Variants in SDK1 observed in about 807,000 individuals in gnomAD.
SDK1 encodes protein sidekick-1.
SDK1 carries 157 observed loss-of-function variants against 245.5 expected under a neutral mutation model. The observed-to-expected ratio is 0.64, with a 90% CI of 0.56 to 0.73. SDK1 has a LOEUF of 0.73. SDK1 is among the 30% of genes least tolerant of loss of function. The probability of loss-of-function intolerance (pLI) is 0.00; values close to 1 mark genes in which losing one functional copy is unlikely to be tolerated. For synonymous variants in SDK1, 1,647 were observed against 1,278.5 expected (o/e 1.29, Z -6.15); for missense variants, 3,583 against 3,002.3 (o/e 1.19, Z -4.52).
At chr7:3,585,461 A>T (rs1485532749) in intron 1 of SDK1, among the ~76,000 whole-genome samples, 1 of 152,204 alleles carries the variant, frequency 6.6e-6, no homozygotes, top group Non-Finnish European at 1.5e-5. Flanking sequence ...AAGAGATGAC[A>T]ACATTAAGCA....
chr7:4,205,283 G>T (rs1196167530), intron 35 of SDK1, among the ~76,000 whole-genome samples: 1 of 152,192 alleles, frequency 6.6e-6, no homozygotes. Flanking sequence ...AGCCAGGGAT[G>T]CCTGAACCTG....
At chr7:4,036,021 A>G (rs1788185208) in intron 17 of SDK1, among the ~76,000 whole-genome samples, 1 of 152,240 alleles carries the variant, frequency 6.6e-6, no homozygotes, top group Non-Finnish European at 1.5e-5. Context: ...TTTAGTAAGA[A>G]ACTTGAGCTT....
At chr7:3,358,736 A>G (rs1780874794) in intron 1 of SDK1, among the ~76,000 whole-genome samples, 1 of 152,232 alleles carries the variant, frequency 6.6e-6, no homozygotes, top group African/African-American at 2.4e-5. Context: ...GGAAGACTTA[A>G]TTTGAGGTCT....
At chr7:3,857,732 A>C (rs952268245) in intron 5 of SDK1, among the ~76,000 whole-genome samples, 1 of 152,142 alleles carries the variant, frequency 6.6e-6, no homozygotes, top group Non-Finnish European at 1.5e-5. Context: ...ACTGAATATT[A>C]GGATTAATGA....
intron 4 of SDK1, among the ~76,000 whole-genome samples, chr7:3,756,964 A>G (rs979709952): frequency 7.2e-5 from 11 of 152,086 alleles, no homozygotes; most frequent in African/African-American, 1.4e-4. Flanking sequence ...TCCACTATAA[A>G]GTTACCATTT....
intron 20 of SDK1, among the ~76,000 whole-genome samples, chr7:4,069,547 C>G (rs1780114966): frequency 6.6e-6 from 1 of 152,228 alleles, no homozygotes; most frequent in African/African-American, 2.4e-5. Context: ...TGGCAGCGTT[C>G]TCAGCTGCCT....
chr7:3,417,910 G>A (rs552034930), intron 1 of SDK1, among the ~76,000 whole-genome samples: 14 of 152,250 alleles, frequency 9.2e-5, no homozygotes, highest in Admixed American at 7.8e-4. Flanking sequence ...GGGGACGGAA[G>A]TGAGTTTGCA....
In SDK1 at chr7:3,743,036, A is replaced by G. The variant is rs372100567; in HGVS notation, c.714-78414A>G. The stretch of plus-strand genomic sequence containing the variant: ...TGGTCCTACTTATTGATAGGCATGA[A>G]TTTGATTGTACGGAACTTTCCTGGA... On this transcript the variant is annotated intron_variant, in intron 4 of 44. Transcript: ENST00000404826. Among the ~76,000 whole-genome samples, 204 of 152,322 alleles carry G rather than the reference A, an allele frequency of 1.3e-3. 1 individual carries two copies. Among genetic ancestry groups the G allele is most frequent in the African/African-American group, 4.4e-3 (183 of 41,572 alleles).
At chr7:3,697,268 T>C (rs567431289) in intron 4 of SDK1, among the ~76,000 whole-genome samples, 8 of 152,290 alleles carry the variant, frequency 5.3e-5, no homozygotes, top group South Asian at 2.1e-4. Flanking sequence ...AGCCAAGATA[T>C]TGAAATTTGT....
intron 1 of SDK1, among the ~76,000 whole-genome samples, chr7:3,532,305 G>A (rs148341523): frequency 1.3e-5 from 2 of 152,176 alleles, no homozygotes; most frequent in Non-Finnish European, 2.9e-5. Context: ...CAGAGTGAGG[G>A]TGTAGGGAAG....
chr7:3,854,351 A>G (rs879476696), intron 5 of SDK1, among the ~76,000 whole-genome samples: 2 of 152,224 alleles, frequency 1.3e-5, no homozygotes, highest in Admixed American at 1.3e-4. Context: ...AACAATACAT[A>G]CCTTATAGAG....
intron 1 of SDK1, among the ~76,000 whole-genome samples, chr7:3,323,905 A>G (rs1376233168): frequency 6.6e-6 from 1 of 152,242 alleles, no homozygotes; most frequent in Non-Finnish European, 1.5e-5. Flanking sequence ...TTCTTCAGCC[A>G]GTAAAATGTC....
intron 38 of SDK1, 34 bp downstream of exon 38, chr7:4,210,196 G>A (rs752502165): frequency 3.3e-6 from 5 of 1,498,674 alleles, no homozygotes; most frequent in Non-Finnish European, 4.4e-6. Flanking sequence ...GGGAGCGCGG[G>A]CCACACCAGT....
chr7:4,247,579 G>A (rs940349668), intron 44 of SDK1, among the ~76,000 whole-genome samples: 1 of 152,246 alleles, frequency 6.6e-6, no homozygotes, highest in Non-Finnish European at 1.5e-5. Context: ...TCATCTCACA[G>A]CGCCGGCCTC....
intron 4 of SDK1, among the ~76,000 whole-genome samples, chr7:3,744,415 A>G (rs1779559379): frequency 6.6e-6 from 1 of 152,184 alleles, no homozygotes; most frequent in Non-Finnish European, 1.5e-5. Context: ...TCTGCCAAAC[A>G]TATACTAGGT....
At chr7:3,834,569 C>T (rs901906916) in intron 5 of SDK1, among the ~76,000 whole-genome samples, 3 of 152,192 alleles carry the variant, frequency 2.0e-5, no homozygotes, top group Non-Finnish European at 4.4e-5. Context: ...TGGGGTAGAA[C>T]AGCACTGTCT....
chr7:4,101,959 C>A (rs1782580094), intron 22 of SDK1, among the ~76,000 whole-genome samples: 1 of 152,076 alleles, frequency 6.6e-6, no homozygotes, highest in African/African-American at 2.4e-5. Flanking sequence ...GATCAGGGAA[C>A]AAAGCCCATC....
intron 4 of SDK1, among the ~76,000 whole-genome samples, chr7:3,812,961 G>A (rs1409602983): frequency 6.6e-6 from 1 of 152,118 alleles, no homozygotes; most frequent in African/African-American, 2.4e-5. Context: ...CTTTTAAGAT[G>A]TTTTTCTTAC....
chr7:3,542,051 T>C (rs1779068414), intron 1 of SDK1, among the ~76,000 whole-genome samples: 1 of 152,214 alleles, frequency 6.6e-6, no homozygotes, highest in Non-Finnish European at 1.5e-5. Context: ...AATTAAAGTA[T>C]AATGATAGAA....
Sources: allele counts gnomAD v4.1 joint callset (sites outside exome capture counted in the v4.1 genomes callset), GRCh38; gene constraint gnomAD v4.1.1; transcripts MANE v1.5; gene names NCBI Gene and HGNC (gene_info 2026-07-23, HGNC 2026-07-21).